Variants in CLASP1 observed in about 807,000 individuals in gnomAD.
CLASP1 encodes cytoplasmic linker associated protein 1, also known as CLIP-associating protein 1.
CLASP1 carries 38 observed loss-of-function variants against 192.3 expected under a neutral mutation model. The ratio of observed to expected loss-of-function variants is 0.20; its 90% CI spans 0.15 to 0.26. The LOEUF is 0.26. Among genes scored for constraint, CLASP1 ranks in the 10% least tolerant of loss-of-function variants. CLASP1 has a pLI of 1.00. For missense variants in CLASP1, 1,433 were observed against 1,932.5 expected, an observed-to-expected ratio of 0.74 and a Z score of 4.85; for synonymous variants, 691 against 712.8, an observed-to-expected ratio of 0.97 and a Z score of 0.49.
chr2:121,636,269 G>T (rs1181880517), intron 1 of CLASP1, among the ~76,000 whole-genome samples: 1 of 151,412 alleles, frequency 6.6e-6, no homozygotes, highest in African/African-American at 2.4e-5. Flanking sequence ...CCATGGGGTG[G>T]AGATTACAGT....
At chr2:121,418,041 T>G (rs992718844) in intron 23 of CLASP1, among the ~76,000 whole-genome samples, 1 of 152,234 alleles carries the variant, frequency 6.6e-6, no homozygotes, top group African/African-American at 2.4e-5. Flanking sequence ...AAAATATTCC[T>G]TTTCACAAAA....
chr2:121,350,201 C>G (rs943968845), intron 37 of CLASP1, among the ~76,000 whole-genome samples: 10 of 152,234 alleles, frequency 6.6e-5, no homozygotes, highest in African/African-American at 2.4e-4. Context: ...CAAAATAACT[C>G]AGCTCTAACT....
chr2:121,568,715 A>T (rs1266937868), intron 2 of CLASP1, among the ~76,000 whole-genome samples: 2 of 152,032 alleles, frequency 1.3e-5, no homozygotes, highest in Non-Finnish European at 2.9e-5. Context: ...TCACCATTAC[A>T]AATATAGCCA....
At chr2:121,495,195 T>C (rs1575454788) in intron 8 of CLASP1, among the ~76,000 whole-genome samples, 1 of 150,574 alleles carries the variant, frequency 6.6e-6, no homozygotes, top group Non-Finnish European at 1.5e-5. Context: ...TGGTGGCAGG[T>C]GCCTGTACTC....
intron 8 of CLASP1, among the ~76,000 whole-genome samples, chr2:121,480,306 G>T (rs1353436637): frequency 6.6e-6 from 1 of 152,220 alleles, no homozygotes; most frequent in African/African-American, 2.4e-5. Context: ...TGCTCCTTAA[G>T]GCACTGTAGG....
chr2:121,381,082 G>A (rs1226136438), intron 33 of CLASP1, among the ~76,000 whole-genome samples: 1 of 152,106 alleles, frequency 6.6e-6, no homozygotes, highest in Non-Finnish European at 1.5e-5. Context: ...CCGTCTCCTC[G>A]CCTGCTTGCC....
At chr2:121,376,760 G>A (rs2070329015) in intron 34 of CLASP1, among the ~76,000 whole-genome samples, 1 of 152,150 alleles carries the variant, frequency 6.6e-6, no homozygotes, top group African/African-American at 2.4e-5. Flanking sequence ...TGCCTGAGCT[G>A]TGCCTCCTGT....
intron 2 of CLASP1, among the ~76,000 whole-genome samples, chr2:121,553,526 A>C (rs1559595381): frequency 1.3e-5 from 2 of 151,248 alleles, no homozygotes; most frequent in African/African-American, 4.9e-5. Context: ...ACATGGTGAA[A>C]CCTGTCTCCA....
At chr2:121,469,008 G>A (rs2090174263) in intron 9 of CLASP1, among the ~76,000 whole-genome samples, 1 of 152,144 alleles carries the variant, frequency 6.6e-6, no homozygotes, top group Non-Finnish European at 1.5e-5. Flanking sequence ...GATCTTTGAG[G>A]TTGTGGTCCT....
intron 9 of CLASP1, among the ~76,000 whole-genome samples, chr2:121,463,893 G>C (rs2088741754): frequency 6.6e-6 from 1 of 151,608 alleles, no homozygotes. Context: ...TGTGCACAAT[G>C]TGCCGGTTAG....
intron 2 of CLASP1, among the ~76,000 whole-genome samples, chr2:121,563,830 T>A (rs1239886024): frequency 6.6e-6 from 1 of 152,254 alleles, no homozygotes; most frequent in Admixed American, 6.5e-5. Flanking sequence ...TTCATGCTGC[T>A]GATAAAGACA....
At chr2:121,418,337 T>G (rs1020186670) in intron 23 of CLASP1, among the ~76,000 whole-genome samples, 9 of 152,256 alleles carry the variant, frequency 5.9e-5, no homozygotes, top group Admixed American at 1.3e-4. Context: ...GAGTTTTGCC[T>G]TAGGTTAGAA....
exon 17 of CLASP1, chr2:121,449,095 A>C: frequency 6.2e-7 from 1 of 1,613,974 alleles, no homozygotes; most frequent in Non-Finnish European, 8.5e-7. Flanking sequence ...TCTCTGCTGA[A>C]GTGACTGTGG....
chr2:121,530,136 G>A (rs1483325667), intron 3 of CLASP1, 111 bp downstream of exon 3: 5 of 850,686 alleles, frequency 5.9e-6, no homozygotes, highest in Non-Finnish European at 9.4e-6. Context: ...GAGGGAGAGG[G>A]GGCTGGAGGG....
exon 40 of CLASP1, chr2:121,338,970 T>C (rs1245461368): frequency 6.6e-6 from 1 of 152,642 alleles, no homozygotes. Context: ...GACATATTAA[T>C]AAACAAACAG....
intron 19 of CLASP1, among the ~76,000 whole-genome samples, chr2:121,431,345 A>T (rs1336825691): frequency 6.6e-6 from 1 of 152,256 alleles, no homozygotes; most frequent in Non-Finnish European, 1.5e-5. Context: ...ATATGAGTCC[A>T]TTCAGAATCC....
At chr2:121,637,107 T>C (rs2071026591) in intron 1 of CLASP1, among the ~76,000 whole-genome samples, 1 of 152,196 alleles carries the variant, frequency 6.6e-6, no homozygotes, top group South Asian at 2.1e-4. Context: ...CCTTACAATC[T>C]GTTTTTGGGA....
At chr2:121,516,294 A>C (rs1307594755) in intron 6 of CLASP1, among the ~76,000 whole-genome samples, 3 of 152,248 alleles carry the variant, frequency 2.0e-5, no homozygotes, top group Admixed American at 6.5e-5. Context: ...ACATTATTCA[A>C]GAGCATAAAG....
rs142554127 is a variant in CLASP1 at position 121,606,121 on chromosome 2, G to T, written c.-226C>A. The stretch of plus-strand genomic sequence containing the variant: ...AATAACTAGTAGGAGATAAAGGAGT[G>T]AGTGGCAGAGTGATGTTCTACTACT... On this transcript the variant is annotated 5_prime_UTR_variant, in exon 2 of 40. The change creates a premature stop within an existing upstream ORF in the 5' untranslated region. Coordinates refer to ENST00000263710, the Ensembl canonical transcript of CLASP1. The T allele has an allele frequency of 1.8e-4, 98 of 548,920 alleles. No individual in the cohort carries two copies. The African/African-American group carries it at 1.8e-3, about 10-fold the overall frequency. 34.0% of individuals were successfully genotyped at this position (548,920 alleles called of 1,614,324 possible).
Sources: allele counts gnomAD v4.1 joint callset (sites outside exome capture counted in the v4.1 genomes callset), GRCh38; gene constraint gnomAD v4.1.1; transcripts MANE v1.5; gene names NCBI Gene and HGNC (gene_info 2026-07-23, HGNC 2026-07-21).